Variants in DNAJC6 observed in about 807,000 individuals in gnomAD.
The protein encoded by DNAJC6 is DnaJ heat shock protein family (Hsp40) member C6.
A neutral mutation model predicts 110.0 loss-of-function variants in DNAJC6; 34 were observed. The ratio of observed to expected loss-of-function variants is 0.31; its 90% CI spans 0.24 to 0.41. The LOEUF is 0.41. DNAJC6 is among the 10% of genes least tolerant of loss of function. The probability of loss-of-function intolerance (pLI) is 1.00; values close to 1 mark genes in which losing one functional copy is unlikely to be tolerated. For missense variants in DNAJC6, 1,031 were observed against 1,207.8 expected (o/e 0.85, Z 2.17); for synonymous variants, 406 against 437.2 (o/e 0.93, Z 0.89).
intron 1 of DNAJC6, among the ~76,000 whole-genome samples, chr1:65,270,334 T>G (rs1207659590): frequency 1.3e-5 from 2 of 152,156 alleles, no homozygotes; most frequent in African/African-American, 4.8e-5. Flanking sequence ...TGTGTTAGGT[T>G]ATTTCATCTT....
At chr1:65,369,439 C>T (rs748865592) in intron 4 of DNAJC6, among the ~76,000 whole-genome samples, 31 of 152,128 alleles carry the variant, frequency 2.0e-4, no homozygotes, top group Non-Finnish European at 3.4e-4. Context: ...AGGACTAGAA[C>T]CATTTCTTAC....
intron 1 of DNAJC6, among the ~76,000 whole-genome samples, chr1:65,341,326 G>T (rs1438508231): frequency 6.6e-6 from 1 of 152,130 alleles, no homozygotes; most frequent in Admixed American, 6.5e-5. Context: ...ATTTTGCAGA[G>T]GACACATTGT....
chr1:65,336,615 A>G (rs1290816772), intron 1 of DNAJC6, among the ~76,000 whole-genome samples: 1 of 152,188 alleles, frequency 6.6e-6, no homozygotes, highest in African/African-American at 2.4e-5. Context: ...ATTATTGTGA[A>G]GTAGATCCCA....
Position 65,330,465 on chromosome 1 carries a change from T to G in DNAJC6, c.193+20527T>G, listed in dbSNP as rs78805637. Among the ~76,000 whole-genome samples the G allele has an allele frequency of 3.9e-4, 59 of 152,180 alleles. 2 individuals carry two copies. The South Asian group carries it at 0.011, about 27-fold the overall frequency. On this transcript the variant is annotated intron_variant, in intron 1 of 18. Transcript: ENST00000371069. Reference sequence around the variant, plus strand: ...AGCAGATGAAAGTCTATTTCTTTTTTTTTTGTTTTGTTTTGTTTTTTGAGA... The same window carrying G: ...AGCAGATGAAAGTCTATTTCTTTTTGTTTTGTTTTGTTTTGTTTTTTGAGA...
At chr1:65,331,264 T>C (rs968536159) in intron 1 of DNAJC6, among the ~76,000 whole-genome samples, 3 of 152,324 alleles carry the variant, frequency 2.0e-5, no homozygotes, top group African/African-American at 4.8e-5. Context: ...CTAGGAAAAG[T>C]GGCAAAGCAG....
At chr1:65,266,013 C>T (rs950421112) in intron 1 of DNAJC6, among the ~76,000 whole-genome samples, 4 of 152,254 alleles carry the variant, frequency 2.6e-5, no homozygotes, top group Non-Finnish European at 5.9e-5. Flanking sequence ...CGGCGCTTGC[C>T]CCTTGGGCTC....
rs1213543788 is a variant in DNAJC6, at chr1:65,302,502, C to T, written c.-131+37570C>T. Among the ~76,000 whole-genome samples, 15 of 148,260 alleles carry T rather than the reference C, an allele frequency of 1.0e-4. No homozygotes were observed. The East Asian group carries it at 2.8e-3, about 27-fold the overall frequency. On this transcript the variant is annotated intron_variant, in intron 1 of 19. Coordinates refer to the DNAJC6 transcript ENST00000263441. ...AAAGGGAGTTTGCCTCCCCCTTAAC[C>T]CCCTTGCTGTCTCTTCCTTTCTTTT...
At chr1:65,290,511 T>G (rs762142264) in intron 1 of DNAJC6, among the ~76,000 whole-genome samples, 10 of 152,232 alleles carry the variant, frequency 6.6e-5, no homozygotes, top group Middle Eastern at 3.2e-3. Flanking sequence ...TTTAAATGCA[T>G]TTGTTCACAT....
chr1:65,281,784 A>G (rs1653854333), intron 1 of DNAJC6, among the ~76,000 whole-genome samples: 1 of 149,804 alleles, frequency 6.7e-6, no homozygotes, highest in African/African-American at 2.5e-5. Context: ...AATTTTTTGT[A>G]TTTTTAGTAG....
At chr1:65,298,005 A>G (rs1257494549) in intron 1 of DNAJC6, among the ~76,000 whole-genome samples, 2 of 148,562 alleles carry the variant, frequency 1.3e-5, no homozygotes, top group African/African-American at 5.0e-5. Flanking sequence ...AGCACTCCCC[A>G]CTCCCTGGCT....
chr1:65,314,992 G>A (rs2101385138), intron 1 of DNAJC6, among the ~76,000 whole-genome samples: 1 of 152,342 alleles, frequency 6.6e-6, no homozygotes, highest in South Asian at 2.1e-4. Context: ...AGCCAATGGT[G>A]GACACTTTCT....
chr1:65,361,819 T>C (rs1008802204), intron 1 of DNAJC6, among the ~76,000 whole-genome samples: 1 of 152,202 alleles, frequency 6.6e-6, no homozygotes, highest in Non-Finnish European at 1.5e-5. Context: ...GTCTTATGTA[T>C]GTTATCAAAG....
chr1:65,325,778 C>T (rs975541995), intron 1 of DNAJC6, among the ~76,000 whole-genome samples: 4 of 152,262 alleles, frequency 2.6e-5, no homozygotes, highest in African/African-American at 7.2e-5. Context: ...AGTGTGCTTA[C>T]ACAAACCTGC....
rs1051037879 is a variant in DNAJC6 at position 65,385,859 on chromosome 1, T to C, written c.948T>C (p.Ile316=). The stretch of plus-strand genomic sequence containing the variant: ...GTCGCCCTTACTGTGATGTACTCAT[T>C]GGAGAAACCAAAATATATTCGACTT... The part of the protein sequence containing the change: ...NGCRPYCDVL[I]GETKIYSTCT... The change falls in exon 7 of 19, where the codon ATT becomes ATC. Residue 316 remains isoleucine, a synonymous_variant. Transcript: ENST00000371069. 1.9e-6 allele frequency: 3 copies of C among 1,613,020 alleles called. No homozygotes were observed. The highest frequency in any genetic ancestry group is 2.7e-5 in the African/African-American group (2 of 74,922).
chr1:65,371,197 C>T (rs1216690869), intron 4 of DNAJC6, among the ~76,000 whole-genome samples: 1 of 152,158 alleles, frequency 6.6e-6, no homozygotes, highest in Admixed American at 6.5e-5. Flanking sequence ...GGAGAGTGCA[C>T]AAATTTTATT....
chr1:65,385,756 G>T lies in DNAJC6; in HGVS notation c.845G>T (p.Arg282Leu). ...MCDLLADKPYRPHFKPLTIKS... is the reference protein window; with the variant it reads ...MCDLLADKPYLPHFKPLTIKS... ...GACCTACTGGCAGACAAGCCCTACC[G>T]CCCTCACTTCAAGCCTCTCACAATT... The change falls in exon 7 of 19, where the codon CGC becomes CTC. Residue 282 changes from arginine (R) to leucine (L), a missense_variant. Transcript: ENST00000371069. The T allele has an allele frequency of 6.2e-7, 1 of 1,613,502 alleles. No homozygotes were observed. The highest frequency in any genetic ancestry group is 8.5e-7 in the Non-Finnish European group (1 of 1,179,638).
chr1:65,364,573 G>A, intron 1 of DNAJC6, 62 bp from the exon 2 acceptor site: 2 of 1,543,746 alleles, frequency 1.3e-6, no homozygotes, highest in South Asian at 2.4e-5. Flanking sequence ...AGAGGGATTG[G>A]TTTTCCGTGG....
rs147912202 is a variant in DNAJC6, at chr1:65,316,846, A to C, written c.193+6908A>C. ...ACAGTTTTCTAATATAGACATGTCA[A>C]GAAAGAATTAGCTTACCAAAAGATT... On this transcript the variant is annotated intron_variant, in intron 1 of 18. Transcript: ENST00000371069. Among the ~76,000 whole-genome samples the C allele has an allele frequency of 2.5e-3, 386 of 152,374 alleles. 1 individual carries two copies. The highest frequency in any genetic ancestry group is 8.8e-3 in the African/African-American group (368 of 41,582).
At chr1:65,409,140 G>A (rs1262680081) in intron 17 of DNAJC6, among the ~76,000 whole-genome samples, 1 of 152,122 alleles carries the variant, frequency 6.6e-6, no homozygotes, top group Non-Finnish European at 1.5e-5. Flanking sequence ...TCTGTCTCAT[G>A]AACTAATCAC....
Sources: gnomAD v4.1 joint callset for allele counts (sites outside exome capture counted in the v4.1 genomes callset) on GRCh38, gnomAD v4.1.1 for gene constraint, MANE v1.5 for transcripts, NCBI Gene and HGNC (gene_info 2026-07-23, HGNC 2026-07-21) for gene names.